Variants in ELMO1 observed in about 807,000 individuals in gnomAD.
The protein encoded by ELMO1 is engulfment and cell motility 1.
Under a neutral mutation model 98.9 loss-of-function variants are expected in ELMO1, and 26 were observed. That is an observed-to-expected ratio of 0.26 (90% CI 0.19 to 0.36). The LOEUF is 0.36. Ranked by LOEUF, ELMO1 falls within the 10% of genes least tolerant of loss-of-function variation. The pLI is 1.00. For missense variants in ELMO1, 627 were observed against 935.2 expected (o/e 0.67, Z 4.30); for synonymous variants, 346 against 346.0 (o/e 1.00, Z 0.00).
At chr7:36,880,423 ATAT>A (rs1339118264) in intron 18 of ELMO1, among the ~76,000 whole-genome samples, 1 of 152,256 alleles carries the variant, frequency 6.6e-6, no homozygotes, top group Non-Finnish European at 1.5e-5. Context: ...ATACAAACAC[ATAT>A]TATTGTAGAG....
intron 15 of ELMO1, among the ~76,000 whole-genome samples, chr7:37,052,633 C>T (rs1411875763): frequency 6.6e-6 from 1 of 152,186 alleles, no homozygotes; most frequent in African/African-American, 2.4e-5. Context: ...TGCCACACAG[C>T]TCCTTATCCA....
intron 1 of ELMO1, among the ~76,000 whole-genome samples, chr7:37,445,465 A>G (rs1805574907): frequency 6.6e-6 from 1 of 152,142 alleles, no homozygotes; most frequent in Non-Finnish European, 1.5e-5. Context: ...TTAACCCTTG[A>G]GCATTAGGCA....
intron 1 of ELMO1, among the ~76,000 whole-genome samples, chr7:37,431,172 A>G (rs1196997431): frequency 6.6e-6 from 1 of 152,104 alleles, no homozygotes; most frequent in African/African-American, 2.4e-5. Context: ...CCCCATCTCT[A>G]CAGAAAATAA....
At chr7:37,271,768 A>G in intron 5 of ELMO1, 64 bp downstream of exon 5, 2 of 1,545,228 alleles carry the variant, frequency 1.3e-6, no homozygotes, top group Non-Finnish European at 1.8e-6. Flanking sequence ...ATATCCCACA[A>G]TCACATATAG....
intron 8 of ELMO1, among the ~76,000 whole-genome samples, chr7:37,231,587 A>C (rs890596162): frequency 3.3e-5 from 5 of 152,200 alleles, no homozygotes; most frequent in African/African-American, 1.2e-4. Flanking sequence ...TAACTTTCAA[A>C]AGTGTCAAAA....
At chr7:36,948,771 A>T (rs777749836) in intron 16 of ELMO1, among the ~76,000 whole-genome samples, 3 of 152,192 alleles carry the variant, frequency 2.0e-5, no homozygotes, top group Non-Finnish European at 2.9e-5. Context: ...ATACATCAAG[A>T]CGCAAAAGGG....
At chr7:37,019,772 C>T (rs1794161870) in intron 15 of ELMO1, among the ~76,000 whole-genome samples, 1 of 152,094 alleles carries the variant, frequency 6.6e-6, no homozygotes. Flanking sequence ...CTATTTTTAA[C>T]ACAATGAGAT....
chr7:37,287,699 G>A (rs1797466063), intron 4 of ELMO1, among the ~76,000 whole-genome samples: 1 of 152,168 alleles, frequency 6.6e-6, no homozygotes, highest in South Asian at 2.1e-4. Context: ...GGATAAAATA[G>A]TAGCTTTTCA....
At chr7:36,965,826 T>A (rs186437331) in intron 16 of ELMO1, among the ~76,000 whole-genome samples, 43 of 152,268 alleles carry the variant, frequency 2.8e-4, no homozygotes, top group African/African-American at 8.9e-4. Context: ...AAGCATCACA[T>A]CCGCCTGTAT....
At chr7:37,073,028 A>C (rs1797365390) in intron 15 of ELMO1, among the ~76,000 whole-genome samples, 1 of 152,202 alleles carries the variant, frequency 6.6e-6, no homozygotes, top group Admixed American at 6.5e-5. Context: ...CATCTATCTA[A>C]GTAACTATAC....
intron 16 of ELMO1, among the ~76,000 whole-genome samples, chr7:37,008,348 T>C (rs1399420835): frequency 1.3e-5 from 2 of 152,220 alleles, no homozygotes; most frequent in Non-Finnish European, 2.9e-5. Flanking sequence ...CACGGGAAAC[T>C]AAGGTACCTA....
intron 14 of ELMO1, among the ~76,000 whole-genome samples, chr7:37,109,647 G>A (rs914109945): frequency 3.3e-5 from 5 of 152,100 alleles, no homozygotes; most frequent in South Asian, 2.1e-4. Context: ...AAACTGACTC[G>A]TGTTTCCTAG....
chr7:37,103,058 G>A (rs1181659489), intron 14 of ELMO1, among the ~76,000 whole-genome samples: 4 of 152,138 alleles, frequency 2.6e-5, no homozygotes, highest in African/African-American at 9.7e-5. Context: ...TATCCATAAA[G>A]GGTCGTAAAG....
At chr7:36,995,089 G>A (rs902290277) in intron 16 of ELMO1, among the ~76,000 whole-genome samples, 1 of 152,178 alleles carries the variant, frequency 6.6e-6, no homozygotes, top group African/African-American at 2.4e-5. Context: ...GATAATACAT[G>A]TTAGGTAGCA....
chr7:37,271,245 AC>A (rs1403155012), intron 5 of ELMO1: 1 of 152,782 alleles, frequency 6.5e-6, no homozygotes, highest in Non-Finnish European at 1.5e-5. Flanking sequence ...AGCCACACTG[AC>A]TTTAAAGGAA....
chr7:37,110,896 G>A (rs371230709), intron 14 of ELMO1, among the ~76,000 whole-genome samples: 4 of 152,266 alleles, frequency 2.6e-5, no homozygotes, highest in African/African-American at 7.2e-5. Context: ...GGTGGTGAGC[G>A]TAGGGGATTT....
At chr7:36,881,833 A>T (rs1245430422) in intron 18 of ELMO1, among the ~76,000 whole-genome samples, 1 of 152,202 alleles carries the variant, frequency 6.6e-6, no homozygotes, top group Admixed American at 6.5e-5. Context: ...ACAATGATGG[A>T]AATTCTCTGT....
intron 16 of ELMO1, among the ~76,000 whole-genome samples, chr7:36,918,997 G>T (rs73106658): frequency 0.048 from 7,222 of 150,630 alleles, 181 homozygotes; most frequent in East Asian, 0.094. Flanking sequence ...CATTCATTCA[G>T]TCAGTCAGTC....
chr7:37,255,554 G>A (rs1795594176), intron 6 of ELMO1, among the ~76,000 whole-genome samples: 1 of 152,218 alleles, frequency 6.6e-6, no homozygotes, highest in African/African-American at 2.4e-5. Flanking sequence ...GCCTCTGGAG[G>A]TGAGGGGCTC....
Sources: gnomAD v4.1 joint callset for allele counts (sites outside exome capture counted in the v4.1 genomes callset) on GRCh38, gnomAD v4.1.1 for gene constraint, MANE v1.5 for transcripts, NCBI Gene and HGNC (gene_info 2026-07-23, HGNC 2026-07-21) for gene names.